STXBP4: variants seen among roughly 807,000 people sequenced by gnomAD.
STXBP4 encodes the protein syntaxin binding protein 4.
In STXBP4, 55 loss-of-function variants were observed where a neutral mutation model predicts 76.1. The ratio of observed to expected loss-of-function variants is 0.72; its 90% confidence interval spans 0.58 to 0.91. The LOEUF (loss-of-function observed/expected upper bound fraction) is 0.91, where lower values mean the gene tolerates loss of function less well. Ranked by LOEUF, STXBP4 falls within the 40% of genes least tolerant of loss-of-function variation. The pLI is 0.00. For synonymous variants in STXBP4, 201 were observed against 220.2 expected (o/e 0.91, Z 0.77); for missense variants, 618 against 636.9 (o/e 0.97, Z 0.32).
chr17:55,090,873 G>A (rs918856613), intron 16 of STXBP4, among the ~76,000 whole-genome samples: 1 of 151,360 alleles, frequency 6.6e-6, no homozygotes, highest in Admixed American at 6.6e-5. Context: ...GTGTGTGTGT[G>A]TGTGTGTGTG....
At chr17:55,204,949 G>T in the STXBP4 span, among the ~76,000 whole-genome samples, 1 of 151,854 alleles carries the variant, frequency 6.6e-6, no homozygotes, top group Non-Finnish European at 1.5e-5. Flanking sequence ...AAGAACTATT[G>T]AATAACTACC....
chr17:54,984,332 CTTTTTTCTTTTTTT>C (rs1160821426), intron 1 of STXBP4, among the ~76,000 whole-genome samples: 2 of 130,284 alleles, frequency 1.5e-5, no homozygotes, highest in Non-Finnish European at 3.2e-5. Flanking sequence ...CTCTCTTTTT[CTTTTTTCTTTTTTT>C]TTTTTTTTTT....
rs2079219668 is a variant in STXBP4 at position 55,078,747 on chromosome 17, T to C, written c.1355+12T>C. Reference sequence around the variant, plus strand: ...TTATCAAATTTAAGGTAAGAAAATTTAAGTGCTTTTTGCAGAATATGGGTA... The same window carrying C: ...TTATCAAATTTAAGGTAAGAAAATTCAAGTGCTTTTTGCAGAATATGGGTA... On this transcript the variant is annotated intron_variant, in intron 15 of 17. Coordinates refer to ENST00000376352, the MANE Select transcript of STXBP4 (RefSeq NM_178509.6). The C allele has an allele frequency of 6.9e-7, 1 of 1,448,268 alleles. No homozygotes were observed. Among genetic ancestry groups the C allele is most frequent in the South Asian group, 1.2e-5 (1 of 85,966 alleles). 89.7% of individuals were successfully genotyped at this position (1,448,268 alleles called of 1,614,324 possible). A position where few individuals can be genotyped will look rare whatever the true frequency, so the allele number is the denominator to read the frequency against.
At chr17:55,127,668 C>A (rs1407318933) in intron 16 of STXBP4, among the ~76,000 whole-genome samples, 2 of 152,024 alleles carry the variant, frequency 1.3e-5, no homozygotes, top group Non-Finnish European at 2.9e-5. Context: ...GAAAAAATAA[C>A]CCTCTATGAA....
At chr17:55,183,828 G>A in the STXBP4 span, among the ~76,000 whole-genome samples, 12 of 152,150 alleles carry the variant, frequency 7.9e-5, no homozygotes, top group African/African-American at 2.9e-4. Flanking sequence ...TAATTTGCCA[G>A]GTAGCTGTGG....
At chr17:55,062,329 A>C (rs1405422494) in intron 12 of STXBP4, among the ~76,000 whole-genome samples, 1 of 152,102 alleles carries the variant, frequency 6.6e-6, no homozygotes, top group African/African-American at 2.4e-5. Context: ...TTTGAGTAAG[A>C]ACATGCAGTG....
chr17:55,174,364 AT>A (rs1393672408), downstream of STXBP4, among the ~76,000 whole-genome samples: 1 of 152,116 alleles, frequency 6.6e-6, no homozygotes, highest in East Asian at 1.9e-4. Context: ...TACTGTCAGT[AT>A]TTTTTATTTT....
At chr17:55,134,029 TC>T (rs1277257107) in intron 16 of STXBP4, among the ~76,000 whole-genome samples, 1 of 152,082 alleles carries the variant, frequency 6.6e-6, no homozygotes, top group Non-Finnish European at 1.5e-5. Flanking sequence ...TAATTACAGC[TC>T]ATTTTTATGC....
At chr17:55,081,446 G>T (rs572310595) in intron 16 of STXBP4, among the ~76,000 whole-genome samples, 1 of 152,076 alleles carries the variant, frequency 6.6e-6, no homozygotes, top group Non-Finnish European at 1.5e-5. Context: ...AAATCAATCC[G>T]CAGCAGCACT....
chr17:55,159,343 G>T (rs2080315463), intron 17 of STXBP4, among the ~76,000 whole-genome samples: 1 of 152,242 alleles, frequency 6.6e-6, no homozygotes, highest in Non-Finnish European at 1.5e-5. Flanking sequence ...TGTTTAGCAA[G>T]TGAGTAACAG....
chr17:55,023,916 C>CAAAAAAAAAAAAAAAA (rs61454264), intron 8 of STXBP4, among the ~76,000 whole-genome samples: 15 of 62,236 alleles, frequency 2.4e-4, no homozygotes, highest in East Asian at 4.8e-4. Context: ...GGCCCTTTTC[C>CAAAAAAAAAAAAAAAA]AAAAAAAAAA....
chr17:55,124,222 T>C (rs2079879809), intron 16 of STXBP4, among the ~76,000 whole-genome samples: 2 of 152,130 alleles, frequency 1.3e-5, no homozygotes, highest in South Asian at 2.1e-4. Flanking sequence ...TAAGACAGGC[T>C]GTGAGGTTGG....
At chr17:54,988,802 G>A (rs1001843434) in intron 3 of STXBP4, among the ~76,000 whole-genome samples, 1 of 152,062 alleles carries the variant, frequency 6.6e-6, no homozygotes, top group African/African-American at 2.4e-5. Context: ...AATTTAGGGT[G>A]CATTTTGGAC....
intron 12 of STXBP4, among the ~76,000 whole-genome samples, chr17:55,067,831 A>G (rs1598282405): frequency 6.6e-6 from 1 of 152,182 alleles, no homozygotes; most frequent in Non-Finnish European, 1.5e-5. Flanking sequence ...TGCAAATTAC[A>G]TTATAAATGA....
intron 8 of STXBP4, among the ~76,000 whole-genome samples, chr17:55,019,727 A>AT (rs1015281950): frequency 1.3e-5 from 2 of 151,656 alleles, no homozygotes; most frequent in African/African-American, 4.8e-5. Flanking sequence ...GAAAACTCTC[A>AT]TTTTTTTTAT....
At chr17:55,144,706 A>G (rs1358392220) in intron 17 of STXBP4, among the ~76,000 whole-genome samples, 1 of 152,218 alleles carries the variant, frequency 6.6e-6, no homozygotes, top group Non-Finnish European at 1.5e-5. Context: ...TGCTTATGTA[A>G]GTCAAGTATG....
At chr17:55,037,351 A>G (rs2078620937) in intron 10 of STXBP4, among the ~76,000 whole-genome samples, 1 of 152,176 alleles carries the variant, frequency 6.6e-6, no homozygotes, top group Admixed American at 6.6e-5. Context: ...GGCAATTCAG[A>G]GTATTTTGTA....
At chr17:54,971,689 TAATCCAGGA>T (rs1316181432) in intron 1 of STXBP4, among the ~76,000 whole-genome samples, 2 of 152,258 alleles carry the variant, frequency 1.3e-5, no homozygotes, top group African/African-American at 4.8e-5. Context: ...ATCTAGGATT[TAATCCAGGA>T]TTACTCGTTG....
chr17:55,110,701 T>C (rs1442167626), intron 16 of STXBP4, among the ~76,000 whole-genome samples: 1 of 152,170 alleles, frequency 6.6e-6, no homozygotes, highest in Non-Finnish European at 1.5e-5. Flanking sequence ...CAGCCATAGA[T>C]AATAAGTAAA....
Sources: gnomAD v4.1 joint callset for allele counts (sites outside exome capture counted in the v4.1 genomes callset) on GRCh38, gnomAD v4.1.1 for gene constraint, MANE v1.5 for transcripts, NCBI Gene and HGNC (gene_info 2026-07-23, HGNC 2026-07-21) for gene names.